The following ERICH6B variants were observed in gnomAD, a reference collection of about 807,000 sequenced individuals.
The protein encoded by ERICH6B is glutamate rich 6B, also known as glutamate-rich protein 6B.
In ERICH6B, 69 loss-of-function variants were observed where a neutral mutation model predicts 80.0. The observed-to-expected ratio is 0.86, with a 90% CI of 0.71 to 1.05. ERICH6B has a LOEUF of 1.05. Ranked by LOEUF, ERICH6B falls within the 50% of genes least tolerant of loss-of-function variation. The probability of loss-of-function intolerance (pLI) is 0.00; values close to 1 mark genes in which losing one functional copy is unlikely to be tolerated. For missense variants in ERICH6B, 754 were observed against 796.1 expected (o/e 0.95, Z 0.64); for synonymous variants, 283 against 291.9 (o/e 0.97, Z 0.31).
At chr13:45,560,495 G>A (rs2137974557) in intron 11 of ERICH6B, among the ~76,000 whole-genome samples, 2 of 152,226 alleles carry the variant, frequency 1.3e-5, no homozygotes, top group Admixed American at 1.3e-4. Context: ...GTTTACATTA[G>A]GGTTCTCTCT....
At chr13:45,566,992 G>A (rs149390429) in intron 9 of ERICH6B, among the ~76,000 whole-genome samples, 29 of 152,344 alleles carry the variant, frequency 1.9e-4, no homozygotes, top group Admixed American at 3.3e-4. Context: ...CCATGGGAAC[G>A]CACCTCTTGC....
At chr13:45,560,629 C>T (rs1455436850) in intron 11 of ERICH6B, among the ~76,000 whole-genome samples, 1 of 152,124 alleles carries the variant, frequency 6.6e-6, no homozygotes, top group Non-Finnish European at 1.5e-5. Flanking sequence ...CCTTTCTTGC[C>T]CCCACGCCCT....
chr13:45,566,977 C>T (rs1874941462), intron 9 of ERICH6B, among the ~76,000 whole-genome samples: 1 of 152,222 alleles, frequency 6.6e-6, no homozygotes, highest in South Asian at 2.1e-4. Context: ...CAGAGCTGCC[C>T]AAGACCATGG....
chr13:45,597,983 G>A (rs1198385213), intron 2 of ERICH6B, among the ~76,000 whole-genome samples: 6 of 152,166 alleles, frequency 3.9e-5, no homozygotes, highest in Middle Eastern at 3.2e-3. Context: ...GCTGCAAAGA[G>A]TGTTCTTATA....
chr13:45,588,758 CAG>C (rs1351795327), intron 4 of ERICH6B, among the ~76,000 whole-genome samples: 1 of 152,220 alleles, frequency 6.6e-6, no homozygotes, highest in East Asian at 1.9e-4. Flanking sequence ...TGGATCATCT[CAG>C]GGCCTTCTGG....
At chr13:45,553,711 C>T (rs1329786815) in intron 11 of ERICH6B, among the ~76,000 whole-genome samples, 1 of 152,194 alleles carries the variant, frequency 6.6e-6, no homozygotes, top group Non-Finnish European at 1.5e-5. Flanking sequence ...ATCTGACCCC[C>T]AAGCTTCAGA....
At chr13:45,597,898 C>G (rs150985169) in intron 2 of ERICH6B, among the ~76,000 whole-genome samples, 2 of 152,150 alleles carry the variant, frequency 1.3e-5, no homozygotes, top group Non-Finnish European at 2.9e-5. Context: ...CTGTGATTCC[C>G]CATGGTGAAC....
chr13:45,602,261 G>A (rs940557442), intron 2 of ERICH6B, among the ~76,000 whole-genome samples: 6 of 152,140 alleles, frequency 3.9e-5, no homozygotes, highest in African/African-American at 1.4e-4. Context: ...CTGGGAAAGC[G>A]GCCTGACTTG....
At chr13:45,583,077 G>T (rs545048736) in intron 5 of ERICH6B, among the ~76,000 whole-genome samples, 1 of 152,200 alleles carries the variant, frequency 6.6e-6, no homozygotes, top group African/African-American at 2.4e-5. Context: ...GGAGACAGCA[G>T]TTACCATTCT....
intron 10 of ERICH6B, among the ~76,000 whole-genome samples, chr13:45,562,226 T>C (rs1369768173): frequency 6.6e-6 from 1 of 152,172 alleles, no homozygotes; most frequent in Non-Finnish European, 1.5e-5. Flanking sequence ...AATGTAGAGA[T>C]GAGGTTTTGC....
chr13:45,546,411 G>C (rs1418939931), intron 13 of ERICH6B, among the ~76,000 whole-genome samples: 1 of 152,202 alleles, frequency 6.6e-6, no homozygotes, highest in Non-Finnish European at 1.5e-5. Context: ...CTGTCTGCCA[G>C]GTCTCGTCTG....
intron 7 of ERICH6B, among the ~76,000 whole-genome samples, chr13:45,575,304 G>C (rs913504380): frequency 9.2e-5 from 14 of 152,218 alleles, no homozygotes; most frequent in African/African-American, 3.1e-4. Flanking sequence ...CAGAGGACTA[G>C]GTGCAAAGGC....
chr13:45,545,843 C>T (rs1378536744), intron 13 of ERICH6B, among the ~76,000 whole-genome samples: 1 of 152,206 alleles, frequency 6.6e-6, no homozygotes, highest in Admixed American at 6.5e-5. Context: ...GCAATGTGCA[C>T]ACTGGGCATG....
Position 45,578,199 on chromosome 13 carries a change from C to G in ERICH6B, c.961+1734G>C, listed in dbSNP as rs554045296. 5.9e-5 allele frequency among the ~76,000 whole-genome samples: 9 copies of G among 152,316 alleles called. No homozygotes were observed. In the South Asian group the frequency reaches 1.7e-3, roughly 28 times the overall value. ...CACCACCTGGTTAATATCTGATCAC[C>G]TGACCCATCTTTAGCAAGAATCCCA... On this transcript the variant is annotated intron_variant, in intron 7 of 14. Transcript: ENST00000298738.
chr13:45,595,125 T>A (rs1876309618), intron 3 of ERICH6B, among the ~76,000 whole-genome samples: 1 of 152,234 alleles, frequency 6.6e-6, no homozygotes, highest in Non-Finnish European at 1.5e-5. Context: ...GGGGGCCGAA[T>A]GGGTATCCTG....
In ERICH6B at chr13:45,613,136, G is replaced by T. The variant is rs186522841; in HGVS notation, c.-111+2549C>A. On this transcript the variant is annotated intron_variant, in intron 1 of 14. Transcript: ENST00000298738. ...GTTGGACATATGTACCTATGTCCTTGTTCAAAGAGCGGGGTACCCTTGTGG... is the reference window on the plus strand; with the variant it reads ...GTTGGACATATGTACCTATGTCCTTTTTCAAAGAGCGGGGTACCCTTGTGG... 4.6e-5 allele frequency among the ~76,000 whole-genome samples: 7 copies of T among 152,298 alleles called. No individual in the cohort carries two copies. The East Asian group carries it at 1.2e-3, about 25-fold the overall frequency.
At chr13:45,568,673 A>G (rs997794045) in intron 8 of ERICH6B, among the ~76,000 whole-genome samples, 1 of 152,188 alleles carries the variant, frequency 6.6e-6, no homozygotes, top group African/African-American at 2.4e-5. Flanking sequence ...GCAGCAAACC[A>G]CCATGGCACA....
At chr13:45,575,708 G>C (rs1875371793) in intron 7 of ERICH6B, among the ~76,000 whole-genome samples, 1 of 152,194 alleles carries the variant, frequency 6.6e-6, no homozygotes, top group African/African-American at 2.4e-5. Flanking sequence ...ATGTCTCCCA[G>C]AGACAGTGAA....
At chr13:45,548,359 A>G (rs1165989602) in intron 13 of ERICH6B, among the ~76,000 whole-genome samples, 4 of 152,102 alleles carry the variant, frequency 2.6e-5, no homozygotes, top group Non-Finnish European at 4.4e-5. Flanking sequence ...TTCACAAGTG[A>G]CTCTGGGAGG....
Sources: gnomAD v4.1 joint callset for allele counts (sites outside exome capture counted in the v4.1 genomes callset) on GRCh38, gnomAD v4.1.1 for gene constraint, MANE v1.5 for transcripts, NCBI Gene and HGNC (gene_info 2026-07-23, HGNC 2026-07-21) for gene names.